The following MYO5B variants were observed in gnomAD, a reference collection of about 807,000 sequenced individuals.
MYO5B encodes unconventional myosin-Vb.
MYO5B carries 143 observed loss-of-function variants against 229.3 expected under a neutral mutation model. That is an observed-to-expected ratio of 0.62 (90% CI 0.54 to 0.72). MYO5B has a LOEUF of 0.72. MYO5B is among the 30% of genes least tolerant of loss of function. The pLI is 0.00. For missense variants in MYO5B, 2,321 were observed against 2,331.0 expected, an observed-to-expected ratio of 1.00 and a Z score of 0.09; for synonymous variants, 918 against 885.2, an observed-to-expected ratio of 1.04 and a Z score of -0.66.
rs980733834 is a variant in MYO5B at position 49,824,583 on chromosome 18, G to A, written c.*1888C>T. Reference sequence around the variant, plus strand: ...CTTAACACTCTAACAAGGCATTTTTGGTCTTTTAAGGATGGTCCTTACATA... The same window carrying A: ...CTTAACACTCTAACAAGGCATTTTTAGTCTTTTAAGGATGGTCCTTACATA... On this transcript the variant is annotated 3_prime_UTR_variant, in exon 40 of 40. Coordinates refer to ENST00000285039, the MANE Select transcript of MYO5B (RefSeq NM_001080467.3). 20 of 152,122 alleles carry A rather than the reference G, an allele frequency of 1.3e-4. No individual in the cohort carries two copies. Among genetic ancestry groups the A allele is most frequent in the Non-Finnish European group, 2.6e-4 (18 of 68,004 alleles). The allele number at this position is 152,122 out of a possible 1,614,324, so 9.4% of individuals were successfully genotyped here. A position where few individuals can be genotyped will look rare whatever the true frequency, so the allele number is the denominator to read the frequency against.
rs1368294031 is a variant in MYO5B, at chr18:50,181,285, GA to G, written c.27+13481del. Among the ~76,000 whole-genome samples, 5 of 152,256 alleles carry G rather than the reference GA, an allele frequency of 3.3e-5. No homozygotes were observed. The East Asian group carries it at 9.7e-4, about 29-fold the overall frequency. ...TTTAAATTGTTAACCAAACAGACCA[GA>G]ACTGCTACATCCAAATGAGTATTTT... is the stretch of plus-strand genomic sequence containing the variant. On this transcript the variant is annotated intron_variant, in intron 1 of 39. Transcript: ENST00000285039.
intron 1 of MYO5B, among the ~76,000 whole-genome samples, chr18:50,091,692 G>A (rs367974572): frequency 6.6e-6 from 1 of 152,092 alleles, no homozygotes; most frequent in South Asian, 2.1e-4. Context: ...TTTATCAACT[G>A]AGCCACCTGA....
chr18:49,936,306 G>A lies in MYO5B; in HGVS notation c.1949C>T (p.Thr650Met), dbSNP rs774090846. 7 of 1,603,766 alleles carry A rather than the reference G, an allele frequency of 4.4e-6. No homozygotes were observed. Among genetic ancestry groups the A allele is most frequent in the African/African-American group, 1.3e-5 (1 of 74,820 alleles). Reference sequence around the variant, plus strand: ...GATGCAGCGGACATAGTGAGGTGTCGTGGCATTCAGGGTCTCCATGAGCAG... The same window carrying A: ...GATGCAGCGGACATAGTGAGGTGTCATGGCATTCAGGGTCTCCATGAGCAG... ...LHLLMETLNA[T>M]TPHYVRCIKP... is the part of the protein sequence containing the mutation. Residue 650 changes from threonine to methionine, a missense_variant, in exon 16 of 40, where the codon ACG becomes ATG. Thr to Met is a moderately conservative substitution (Grantham distance 81, BLOSUM62 -1). Coordinates refer to ENST00000285039, the MANE Select transcript of MYO5B (RefSeq NM_001080467.3).
intron 31 of MYO5B, chr18:49,850,299 T>TC (rs1170545598): frequency 6.3e-6 from 1 of 157,962 alleles, no homozygotes; most frequent in East Asian, 1.9e-4. Flanking sequence ...CCCTGCTCCA[T>TC]CCACCACTAG....
intron 21 of MYO5B, 148 bp from the exon 22 acceptor site, chr18:49,895,322 C>T (rs2024766296): frequency 1.8e-5 from 13 of 713,064 alleles, no homozygotes; most frequent in Middle Eastern, 2.5e-4. Context: ...CAAGTGCTTG[C>T]CTGGCATCTC....
intron 22 of MYO5B, among the ~76,000 whole-genome samples, chr18:49,891,601 T>C (rs2024715544): frequency 6.6e-6 from 1 of 152,104 alleles, no homozygotes; most frequent in South Asian, 2.1e-4. Flanking sequence ...TGGGTCAGTG[T>C]CCCCTTCCTA....
At chr18:49,865,353 A>G (rs1006124350) in intron 27 of MYO5B, among the ~76,000 whole-genome samples, 1 of 152,176 alleles carries the variant, frequency 6.6e-6, no homozygotes, top group Non-Finnish European at 1.5e-5. Flanking sequence ...GGTGATTTCC[A>G]GAAGATTTAG....
intron 4 of MYO5B, among the ~76,000 whole-genome samples, chr18:50,029,773 G>T (rs1322318452): frequency 6.6e-6 from 1 of 152,202 alleles, no homozygotes; most frequent in African/African-American, 2.4e-5. Flanking sequence ...AACCACAGAG[G>T]TCAGAGAGTC....
intron 1 of MYO5B, among the ~76,000 whole-genome samples, chr18:50,190,621 A>G (rs548891023): frequency 6.6e-3 from 51 of 7,688 alleles, no homozygotes; most frequent in Admixed American, 7.9e-3. Context: ...TTGGCCCCCG[A>G]CCTACCAAAA....
chr18:49,913,802 C>T (rs1424689466), intron 17 of MYO5B, among the ~76,000 whole-genome samples: 1 of 151,970 alleles, frequency 6.6e-6, no homozygotes, highest in Non-Finnish European at 1.5e-5. Flanking sequence ...GCTCCAAAGG[C>T]AGACAAGGAG....
In MYO5B at chr18:50,009,099, C is replaced by T. The variant is rs149831094; in HGVS notation, c.456-7688G>A. Among the ~76,000 whole-genome samples, 731 of 152,196 alleles carry T rather than the reference C, an allele frequency of 4.8e-3. 5 individuals are homozygous for T. The highest frequency in any genetic ancestry group is 0.015 in the South Asian group (73 of 4,820). On this transcript the variant is annotated intron_variant, in intron 4 of 39. Coordinates refer to ENST00000285039, the MANE Select transcript of MYO5B (RefSeq NM_001080467.3). Reference sequence around the variant, plus strand: ...TAAAATGATAATAGTATATATGTGCCGAGCGCAGTGGCTCACGTCTGTAAT... The same window carrying T: ...TAAAATGATAATAGTATATATGTGCTGAGCGCAGTGGCTCACGTCTGTAAT...
chr18:50,098,303 T>C (rs2031592088), intron 1 of MYO5B, among the ~76,000 whole-genome samples: 1 of 152,156 alleles, frequency 6.6e-6, no homozygotes, highest in Non-Finnish European at 1.5e-5. Context: ...GTTCCAATTG[T>C]TTAAGGGGCA....
Position 50,043,019 on chromosome 18 carries a change from T to C in MYO5B, c.139-2705A>G, listed in dbSNP as rs117779833. 2.0e-5 allele frequency among the ~76,000 whole-genome samples: 3 copies of C among 152,096 alleles called. No individual in the cohort carries two copies. In the East Asian group the frequency reaches 5.8e-4, roughly 29 times the overall value. On this transcript the variant is annotated intron_variant, in intron 2 of 39. Coordinates refer to ENST00000285039, the MANE Select transcript of MYO5B (RefSeq NM_001080467.3). Reference sequence around the variant, plus strand: ...CTAATACAACCACTATGGAAAATAGTGTGTAGATTCCTTAAAGAACTAAAA... The same window carrying C: ...CTAATACAACCACTATGGAAAATAGCGTGTAGATTCCTTAAAGAACTAAAA...
chr18:50,043,331 TTA>T (rs913044022), intron 2 of MYO5B, among the ~76,000 whole-genome samples: 1 of 114,348 alleles, frequency 8.7e-6, no homozygotes, highest in Non-Finnish European at 1.7e-5. Flanking sequence ...AATATATATT[TTA>T]TATATTTATA....
chr18:49,872,409 C>A (rs1432148835), intron 26 of MYO5B, among the ~76,000 whole-genome samples, 177 bp from the exon 27 acceptor site: 1 of 152,006 alleles, frequency 6.6e-6, no homozygotes, highest in Non-Finnish European at 1.5e-5. Context: ...TCCAGCCTAC[C>A]ATGAAGTGTT....
rs536900552 is a variant in MYO5B at position 49,894,889 on chromosome 18, G to C, written c.3045+52C>G. 2.2e-5 allele frequency: 33 copies of C among 1,520,360 alleles called. No individual in the cohort carries two copies. In the South Asian group the frequency reaches 3.6e-4, roughly 17 times the overall value. The allele number at this position is 1,520,360 out of a possible 1,614,324, so 94.2% of individuals were successfully genotyped here. A position where few individuals can be genotyped will look rare whatever the true frequency, so the allele number is the denominator to read the frequency against. On this transcript the variant is annotated intron_variant, in intron 22 of 39. Coordinates refer to ENST00000285039, the MANE Select transcript of MYO5B (RefSeq NM_001080467.3). ...GCAGTGCTCTCTGAGAGGTGGCTCC[G>C]TGTGCCCACCCACTCTGCTTGCCAG...
chr18:49,982,563 T>C (rs1356661082), intron 8 of MYO5B, among the ~76,000 whole-genome samples: 2 of 152,062 alleles, frequency 1.3e-5, no homozygotes, highest in Non-Finnish European at 2.9e-5. Context: ...AAGCAAAAAA[T>C]CTAAAAACAA....
At chr18:50,142,876 C>T (rs1396311474) in intron 1 of MYO5B, among the ~76,000 whole-genome samples, 1 of 152,154 alleles carries the variant, frequency 6.6e-6, no homozygotes, top group East Asian at 1.9e-4. Context: ...TCATTCCAGT[C>T]ATAAGAAATC....
intron 1 of MYO5B, among the ~76,000 whole-genome samples, chr18:50,102,097 T>A (rs1219146915): frequency 6.6e-6 from 1 of 152,096 alleles, no homozygotes; most frequent in Non-Finnish European, 1.5e-5. Context: ...AAGGATTGCG[T>A]CCTTGGATGG....
Sources: gnomAD v4.1 joint callset for allele counts (sites outside exome capture counted in the v4.1 genomes callset) on GRCh38, gnomAD v4.1.1 for gene constraint, MANE v1.5 for transcripts, NCBI Gene and HGNC (gene_info 2026-07-23, HGNC 2026-07-21) for gene names.